The following MTR variants were observed in gnomAD, a reference collection of about 807,000 sequenced individuals.
The protein encoded by MTR is 5-methyltetrahydrofolate-homocysteine methyltransferase, also known as methionine synthase.
Under a neutral mutation model 154.8 loss-of-function variants are expected in MTR, and 84 were observed. The observed-to-expected ratio is 0.54, with a 90% confidence interval of 0.45 to 0.65. The LOEUF (loss-of-function observed/expected upper bound fraction) is 0.65, where lower values mean the gene tolerates loss of function less well. MTR is among the 30% of genes least tolerant of loss of function. The pLI, the probability that MTR is intolerant of heterozygous loss-of-function variation, is 0.00. For synonymous variants in MTR, 554 were observed against 553.9 expected (o/e 1.00, Z 0.00); for missense variants, 1,275 against 1,570.2 (o/e 0.81, Z 3.18).
chr1:236,836,269 T>G (rs1026284299), intron 14 of MTR, among the ~76,000 whole-genome samples: 8 of 152,148 alleles, frequency 5.3e-5, no homozygotes, highest in African/African-American at 1.4e-4. Flanking sequence ...GATTTTTTTT[T>G]TTCCCCTCCT....
chr1:236,862,144 C>T (rs913669020), intron 20 of MTR, 92 bp from the exon 21 acceptor site: 10 of 982,366 alleles, frequency 1.0e-5, no homozygotes, highest in African/African-American at 9.6e-5. Flanking sequence ...TCAAAGCATG[C>T]ATTCCTAATG....
intron 29 of MTR, among the ~76,000 whole-genome samples, chr1:236,892,365 C>T (rs1666375825): frequency 6.6e-6 from 1 of 152,044 alleles, no homozygotes; most frequent in South Asian, 2.1e-4. Context: ...ACTTCTTCAG[C>T]CAGCTACTCG....
In MTR at chr1:236,897,138, A is replaced by G. The variant is rs1210142354; in HGVS notation, c.3711+20A>G. On this transcript the variant is annotated intron_variant, in intron 32 of 32. Transcript: ENST00000366577. ...GATCAGGTAAGCTAGCTGTTGCATT[A>G]TATGTGGCTTGCCTAGTTCAAATGA... 1.4e-5 allele frequency: 21 copies of G among 1,532,674 alleles called. No homozygotes were observed. Among genetic ancestry groups the G allele is most frequent in the South Asian group, 2.2e-5 (2 of 89,442 alleles). The allele number at this position is 1,532,674 out of a possible 1,614,324, so 94.9% of individuals were successfully genotyped here. A position where few individuals can be genotyped will look rare whatever the true frequency, so the allele number is the denominator to read the frequency against.
rs1666826655 is a variant in MTR at position 236,899,392 on chromosome 1, G to C, written c.*1748G>C. 6.6e-6 allele frequency: 1 copy of C among 152,210 alleles called. No individual in the cohort carries two copies. The highest frequency in any genetic ancestry group is 2.4e-5 in the African/African-American group (1 of 41,440). The allele number at this position is 152,210 out of a possible 1,614,324, so 9.4% of individuals were successfully genotyped here. A position where few individuals can be genotyped will look rare whatever the true frequency, so the allele number is the denominator to read the frequency against. ...GTGCATATGTTGACCTTTGCAAAATGACCTGGTGACATGGCAAGTCAGTGG... is the reference window on the plus strand; with the variant it reads ...GTGCATATGTTGACCTTTGCAAAATCACCTGGTGACATGGCAAGTCAGTGG... On this transcript the variant is annotated 3_prime_UTR_variant, in exon 33 of 33. Coordinates refer to ENST00000366577, the MANE Select transcript of MTR (RefSeq NM_000254.3).
chr1:236,888,089 G>A (rs1666119370), intron 27 of MTR, among the ~76,000 whole-genome samples: 1 of 152,224 alleles, frequency 6.6e-6, no homozygotes, highest in East Asian at 1.9e-4. Flanking sequence ...AGTATGAAAA[G>A]GTAGAGATTT....
In MTR at chr1:236,798,488, C is replaced by T. The variant is rs916601241; in HGVS notation, c.34+2751C>T. 5.9e-5 allele frequency among the ~76,000 whole-genome samples: 9 copies of T among 151,998 alleles called. 2 individuals carry two copies. The highest frequency in any genetic ancestry group is 4.6e-4 in the Admixed American group (7 of 15,272). On this transcript the variant is annotated intron_variant, in intron 1 of 32. Transcript: ENST00000366577. ...GCTAGAAAATAAGATGTTAAGGGCA[C>T]GGAAAAAAACCCCACAAAATATATT...
At chr1:236,806,364 C>A (rs1043420705) in intron 3 of MTR, 131 bp downstream of exon 3, 2 of 777,606 alleles carry the variant, frequency 2.6e-6, no homozygotes, top group South Asian at 1.4e-5. Context: ...TATGATGAGA[C>A]AGGGAAAATG....
At chr1:236,858,653 G>T (rs1195573489) in intron 18 of MTR, among the ~76,000 whole-genome samples, 1 of 152,176 alleles carries the variant, frequency 6.6e-6, no homozygotes, top group Admixed American at 6.5e-5. Context: ...AGACTACTTA[G>T]TTCTTGGGCT....
chr1:236,860,719 A>G (rs1374838232), intron 19 of MTR, among the ~76,000 whole-genome samples: 1 of 152,238 alleles, frequency 6.6e-6, no homozygotes, highest in Non-Finnish European at 1.5e-5. Context: ...GATTTTATGC[A>G]TTTGAACTTA....
At chr1:236,872,933 C>T (rs916230691) in intron 22 of MTR, among the ~76,000 whole-genome samples, 5 of 152,106 alleles carry the variant, frequency 3.3e-5, no homozygotes, top group East Asian at 1.9e-4. Flanking sequence ...TGCAGTGAGC[C>T]GTAATCACGC....
At position 236,858,330 on chromosome 1, in the gene MTR, C is replaced by T. The variant is rs1346676743; in HGVS notation, c.1954-1503C>T. ...ACCATTAGATCTTGTGAGACTTACT[C>T]ACTATCACAAGAACAGCACAGGAAA... On this transcript the variant is annotated intron_variant, in intron 18 of 32. Coordinates refer to ENST00000366577, the MANE Select transcript of MTR (RefSeq NM_000254.3). Among the ~76,000 whole-genome samples, 4 of 152,154 alleles carry T rather than the reference C, an allele frequency of 2.6e-5. No homozygotes were observed. The East Asian group carries it at 7.7e-4, about 29-fold the overall frequency.
chr1:236,799,995 G>A (rs1259918953), intron 1 of MTR: 1 of 939,716 alleles, frequency 1.1e-6, no homozygotes, highest in East Asian at 1.2e-4. Context: ...CATGTGTGGG[G>A]CTGGGTTGTT....
At chr1:236,835,771 T>C in intron 14 of MTR, 84 bp downstream of exon 14, 1 of 1,565,918 alleles carries the variant, frequency 6.4e-7, no homozygotes. Flanking sequence ...CCCATTAATC[T>C]GTGAACTCAA....
At chr1:236,825,578 C>T (rs919417879) in intron 10 of MTR, among the ~76,000 whole-genome samples, 179 bp downstream of exon 10, 3 of 152,186 alleles carry the variant, frequency 2.0e-5, no homozygotes, top group Non-Finnish European at 4.4e-5. Flanking sequence ...TGTCAGCATC[C>T]TTATCCTCAG....
chr1:236,803,771 A>C (rs756217481), intron 2 of MTR, 129 bp downstream of exon 2: 3 of 947,628 alleles, frequency 3.2e-6, no homozygotes, highest in Non-Finnish European at 5.0e-6. Flanking sequence ...TTCAGAAAGC[A>C]GGTTTTGGAC....
At chr1:236,845,517 C>T (rs1301510703) in intron 15 of MTR, among the ~76,000 whole-genome samples, 3 of 152,086 alleles carry the variant, frequency 2.0e-5, no homozygotes, top group Admixed American at 1.3e-4. Context: ...ATTGTTTATA[C>T]CCCTTGAGTT....
chr1:236,818,238 T>C (rs1478845228), intron 8 of MTR, among the ~76,000 whole-genome samples: 1 of 152,228 alleles, frequency 6.6e-6, no homozygotes, highest in Admixed American at 6.5e-5. Flanking sequence ...CCATAGACTT[T>C]AGTTACTAAT....
At chr1:236,807,855 C>T (rs1326318805) in intron 3 of MTR, among the ~76,000 whole-genome samples, 1 of 152,192 alleles carries the variant, frequency 6.6e-6, no homozygotes, top group Non-Finnish European at 1.5e-5. Flanking sequence ...AACTGCTCAA[C>T]TCCATCATGT....
At chr1:236,817,709 C>T (rs1325503466) in intron 8 of MTR, among the ~76,000 whole-genome samples, 1 of 151,946 alleles carries the variant, frequency 6.6e-6, no homozygotes, top group Non-Finnish European at 1.5e-5. Context: ...ATGTGATGTT[C>T]TTTTTTTTCA....
Sources: allele counts gnomAD v4.1 joint callset (sites outside exome capture counted in the v4.1 genomes callset), GRCh38; gene constraint gnomAD v4.1.1; transcripts MANE v1.5; gene names NCBI Gene and HGNC (gene_info 2026-07-23, HGNC 2026-07-21).